LAMA2: variants seen among roughly 807,000 people sequenced by gnomAD.
LAMA2 encodes the protein laminin subunit alpha-2.
Under a neutral mutation model 364.8 loss-of-function variants are expected in LAMA2, and 269 were observed. The ratio of observed to expected loss-of-function variants is 0.74; its 90% confidence interval spans 0.67 to 0.82. The LOEUF (loss-of-function observed/expected upper bound fraction) is 0.82. LAMA2 is among the 40% of genes least tolerant of loss of function. The probability of loss-of-function intolerance (pLI) is 0.00; values close to 1 mark genes in which losing one functional copy is unlikely to be tolerated. For synonymous variants in LAMA2, 1,379 were observed against 1,370.6 expected (o/e 1.01, Z -0.14); for missense variants, 3,807 against 3,873.2 (o/e 0.98, Z 0.45).
At chr6:129,491,751 G>A (rs1177889931) in intron 56 of LAMA2, 150 bp from the exon 57 acceptor site, 6 of 683,002 alleles carry the variant, frequency 8.8e-6, no homozygotes, top group Non-Finnish European at 7.8e-6. Context: ...TGAGAACAGC[G>A]TTTGCTTAGT....
chr6:128,962,183 T>TAC lies in LAMA2; in HGVS notation c.112+78827_112+78828insCA, dbSNP rs1242291382. Among the ~76,000 whole-genome samples the TAC allele has an allele frequency of 6.7e-4, 76 of 113,924 alleles. 3 individuals carry two copies. Among genetic ancestry groups the TAC allele is most frequent in the African/African-American group, 2.4e-3 (60 of 25,476 alleles). 74.7% of individuals were successfully genotyped at this position (113,924 alleles called of 152,430 possible). A position where few individuals can be genotyped will look rare whatever the true frequency, so the allele number is the denominator to read the frequency against. ...ATATATATATATATATATATATATA[T>TAC]ATACACACATACACACACACATACA... is the stretch of plus-strand genomic sequence containing the variant. On this transcript the variant is annotated intron_variant, in intron 1 of 64. Coordinates refer to ENST00000421865, the MANE Select transcript of LAMA2 (RefSeq NM_000426.4).
chr6:129,359,351 C>T (rs947663122), intron 32 of LAMA2, among the ~76,000 whole-genome samples: 4 of 150,106 alleles, frequency 2.7e-5, no homozygotes, highest in African/African-American at 4.9e-5. Flanking sequence ...ACATAAATAT[C>T]GTTACTTGGT....
intron 1 of LAMA2, among the ~76,000 whole-genome samples, chr6:128,963,979 G>T (rs1343404301): frequency 6.6e-6 from 1 of 152,050 alleles, no homozygotes. Context: ...TATCCCAAAA[G>T]GTTGTGTTTT....
chr6:129,186,532 T>C (rs1053421474), intron 10 of LAMA2, among the ~76,000 whole-genome samples: 5 of 151,774 alleles, frequency 3.3e-5, no homozygotes, highest in Non-Finnish European at 7.4e-5. Flanking sequence ...TTAGTAGATA[T>C]TTTTACATCT....
intron 32 of LAMA2, among the ~76,000 whole-genome samples, chr6:129,362,669 T>A (rs1777534766): frequency 6.6e-6 from 1 of 152,152 alleles, no homozygotes; most frequent in African/African-American, 2.4e-5. Flanking sequence ...AAAGAATATA[T>A]AAATAAATTA....
rs1787073084 is a variant in LAMA2, at chr6:129,516,315, G to A, written c.9337G>A (p.Gly3113Ser). The A allele has an allele frequency of 3.7e-6, 6 of 1,613,952 alleles. No individual in the cohort carries two copies. In the South Asian group the frequency reaches 5.5e-5, roughly 15 times the overall value. ...TTTTGCCAAGGCCCTGGAACTGAGG[G>A]GCGTTCAACCTGTATCATGCCCAGC... ...VNFAKALELR[G>S]VQPVSCPAN Residue 3113 changes from glycine to serine, a missense_variant, in exon 65 of 65, where the codon GGC becomes AGC. By Grantham distance (56) the Gly-to-Ser change is moderately conservative. Transcript: ENST00000421865.
At chr6:128,910,503 T>C (rs1458462425) in intron 1 of LAMA2, among the ~76,000 whole-genome samples, 6 of 151,576 alleles carry the variant, frequency 4.0e-5, no homozygotes, top group African/African-American at 7.2e-5. Flanking sequence ...CCTTTAAGCA[T>C]TTCTCTGTAT....
At chr6:129,495,924 C>T (rs1033687906) in intron 58 of LAMA2, among the ~76,000 whole-genome samples, 8 of 151,856 alleles carry the variant, frequency 5.3e-5, no homozygotes, top group Non-Finnish European at 1.0e-4. Context: ...GAGCATTCCA[C>T]TTAGTAGATG....
At position 129,309,902 on chromosome 6, in the gene LAMA2, A is replaced by ATTTTTTTT. The variant is rs993652081; in HGVS notation, c.3175-2951_3175-2944dup. Reference sequence around the variant, plus strand: ...AGAAATAAAGCTAATCCTGATAATCATTTTTTTTTTTTTTTGAGACGGAGT... The same window carrying ATTTTTTTT: ...AGAAATAAAGCTAATCCTGATAATCATTTTTTTTTTTTTTTTTTTTTTTGAGACGGAGT... On this transcript the variant is annotated intron_variant, in intron 22 of 64. Transcript: ENST00000421865. 8.2e-3 allele frequency among the ~76,000 whole-genome samples: 1,114 copies of ATTTTTTTT among 135,692 alleles called. 57 individuals carry two copies. Among genetic ancestry groups the ATTTTTTTT allele is most frequent in the African/African-American group, 0.031 (1,079 of 35,316 alleles). The allele number at this position is 135,692 out of a possible 152,430, so 89.0% of individuals were successfully genotyped here.
chr6:129,274,418 GA>G (rs200189166), intron 17 of LAMA2, among the ~76,000 whole-genome samples: 66 of 142,490 alleles, frequency 4.6e-4, no homozygotes, highest in East Asian at 8.0e-4. Context: ...GTTATTCAGA[GA>G]AAAAAAAAAA....
intron 26 of LAMA2, 38 bp downstream of exon 26, chr6:129,315,988 A>C (rs1562451420): frequency 6.2e-7 from 1 of 1,613,610 alleles, no homozygotes; most frequent in African/African-American, 1.3e-5. Flanking sequence ...GATACCAATC[A>C]ATGGTTTTGC....
At chr6:128,948,821 C>T (rs529541998) in intron 1 of LAMA2, among the ~76,000 whole-genome samples, 291 of 152,256 alleles carry the variant, frequency 1.9e-3, no homozygotes, top group African/African-American at 6.8e-3. Context: ...TGTGCTCCAG[C>T]TTTATCTTCT....
chr6:129,336,153 T>C (rs4143753), intron 29 of LAMA2, among the ~76,000 whole-genome samples: 51,801 of 152,026 alleles, frequency 0.34, 10,353 homozygotes, highest in Non-Finnish European at 0.44. Flanking sequence ...ACAGTGCTCA[T>C]TAGGAATCAG....
At chr6:129,309,902 A>ACTTTTTTTTTTT (rs1774101293) in intron 22 of LAMA2, among the ~76,000 whole-genome samples, 1 of 135,788 alleles carries the variant, frequency 7.4e-6, no homozygotes, top group Non-Finnish European at 1.6e-5. Flanking sequence ...CCTGATAATC[A>ACTTTTTTTTTTT]TTTTTTTTTT....
intron 12 of LAMA2, among the ~76,000 whole-genome samples, chr6:129,229,081 A>G (rs1170240947): frequency 6.6e-6 from 1 of 152,174 alleles, no homozygotes; most frequent in African/African-American, 2.4e-5. Flanking sequence ...ACTTGCCAGA[A>G]ACTTTCTAGT....
At chr6:129,497,549 T>A (rs533275069) in intron 58 of LAMA2, among the ~76,000 whole-genome samples, 10 of 152,362 alleles carry the variant, frequency 6.6e-5, no homozygotes, top group African/African-American at 2.4e-4. Context: ...ATTTAGCTTT[T>A]TAAGAGTTGT....
At position 128,988,542 on chromosome 6, in the gene LAMA2, G is replaced by T. The variant is rs191810104; in HGVS notation, c.113-61376G>T. Among the ~76,000 whole-genome samples, 68 of 152,322 alleles carry T rather than the reference G, an allele frequency of 4.5e-4. 1 individual carries two copies. The Middle Eastern group carries it at 0.014, about 30-fold the overall frequency. On this transcript the variant is annotated intron_variant, in intron 1 of 64. Transcript: ENST00000421865. ...AAGTGCAGCAGAGATGCTACTGTCA[G>T]CAAGAGAAGGATTCAAAGAGAGGAA... is the stretch of plus-strand genomic sequence containing the variant.
chr6:129,051,830 C>T lies in LAMA2; in HGVS notation c.283+1742C>T, dbSNP rs1056457488. ...AGGGAAACCACCATTGGTTCAGAGA[C>T]TGGTGGCCTTGAAAATTTCATGAAG... On this transcript the variant is annotated intron_variant, in intron 2 of 64. Coordinates refer to ENST00000421865, the MANE Select transcript of LAMA2 (RefSeq NM_000426.4). Among the ~76,000 whole-genome samples, 8 of 151,802 alleles carry T rather than the reference C, an allele frequency of 5.3e-5. No individual in the cohort carries two copies. The South Asian group carries it at 1.7e-3, about 32-fold the overall frequency.
chr6:129,109,520 C>T (rs1776019987), intron 4 of LAMA2, among the ~76,000 whole-genome samples: 1 of 141,716 alleles, frequency 7.1e-6, no homozygotes, highest in South Asian at 2.3e-4. Context: ...TTTATGAAGT[C>T]TTTAAAATTG....
Sources: allele counts gnomAD v4.1 joint callset (sites outside exome capture counted in the v4.1 genomes callset), GRCh38; gene constraint gnomAD v4.1.1; transcripts MANE v1.5; gene names NCBI Gene and HGNC (gene_info 2026-07-23, HGNC 2026-07-21).